The following SUZ12 variants were observed in gnomAD, a reference collection of about 807,000 sequenced individuals.
The protein encoded by SUZ12 is SUZ12 polycomb repressive complex 2 subunit.
SUZ12 carries 17 observed loss-of-function variants against 87.3 expected under a neutral mutation model. The observed-to-expected ratio is 0.19, with a 90% confidence interval of 0.13 to 0.29. The LOEUF (loss-of-function observed/expected upper bound fraction) is 0.29. SUZ12 is among the 10% of genes least tolerant of loss of function. The probability of loss-of-function intolerance (pLI) is 1.00; values close to 1 mark genes in which losing one functional copy is unlikely to be tolerated. For synonymous variants in SUZ12, 253 were observed against 312.4 expected (o/e 0.81, Z 2.01); for missense variants, 526 against 912.2 (o/e 0.58, Z 5.45).
At chr17:31,963,936 C>T (rs2470243) in intron 4 of SUZ12, 15,115 of 152,220 alleles carry the variant, frequency 0.099, 1,006 homozygotes, top group Middle Eastern at 0.15. Flanking sequence ...CCATAGGCAC[C>T]GGCCCTCTGC....
chr17:31,942,772 A>T (rs1242742150), intron 3 of SUZ12, among the ~76,000 whole-genome samples: 3 of 152,244 alleles, frequency 2.0e-5, no homozygotes, highest in Non-Finnish European at 4.4e-5. Context: ...TTGCTGTGTA[A>T]CATTTAGTAC....
chr17:31,952,458 G>T (rs1489451909), intron 4 of SUZ12, among the ~76,000 whole-genome samples: 3 of 152,134 alleles, frequency 2.0e-5, no homozygotes, highest in African/African-American at 7.2e-5. Flanking sequence ...TTTTGACCAG[G>T]CACTATGGCT....
At position 31,999,121 on chromosome 17, in the gene SUZ12, T is replaced by G; in HGVS notation, c.*118T>G. On this transcript the variant is annotated 3_prime_UTR_variant, in exon 16 of 16. Transcript: ENST00000322652. Reference sequence around the variant, plus strand: ...TCCAAACAGGCACTGTTAGATGAAGTAAATGATTTCAACAAGGATATTTGT... The same window carrying G: ...TCCAAACAGGCACTGTTAGATGAAGGAAATGATTTCAACAAGGATATTTGT... 1 of 811,982 alleles carries G rather than the reference T, an allele frequency of 1.2e-6. No homozygotes were observed. The highest frequency in any genetic ancestry group is 1.8e-6 in the Non-Finnish European group (1 of 549,872). The allele number at this position is 811,982 out of a possible 1,614,324, so 50.3% of individuals were successfully genotyped here.
At chr17:31,969,009 C>T (rs1158427551) in intron 5 of SUZ12, among the ~76,000 whole-genome samples, 2 of 152,094 alleles carry the variant, frequency 1.3e-5, no homozygotes, top group African/African-American at 4.8e-5. Flanking sequence ...GAAAATAATT[C>T]CTCTGTCACC....
At chr17:31,989,582 TG>T (rs1311656317) in intron 10 of SUZ12, among the ~76,000 whole-genome samples, 11 of 137,106 alleles carry the variant, frequency 8.0e-5, no homozygotes, top group African/African-American at 2.6e-4. Flanking sequence ...GGAACTAAGT[TG>T]TTTTTTTTTG....
Position 31,937,538 on chromosome 17 carries a change from T to C in SUZ12, c.274+18T>C. 1 of 1,533,936 alleles carries C rather than the reference T, an allele frequency of 6.5e-7. No individual in the cohort carries two copies. Among genetic ancestry groups the C allele is most frequent in the African/African-American group, 1.4e-5 (1 of 72,532 alleles). On this transcript the variant is annotated intron_variant, in intron 1 of 15. Coordinates refer to ENST00000322652, the MANE Select transcript of SUZ12 (RefSeq NM_015355.4). ...CTTTGAGAGTGAGTGTGTGCGAGGCTTTGAGGGCAGGAAGACCCACTCTGC... is the reference window on the plus strand; with the variant it reads ...CTTTGAGAGTGAGTGTGTGCGAGGCCTTGAGGGCAGGAAGACCCACTCTGC...
chr17:31,997,709 G>A (rs377416336), intron 15 of SUZ12, among the ~76,000 whole-genome samples: 20 of 146,222 alleles, frequency 1.4e-4, no homozygotes, highest in African/African-American at 4.6e-4. Flanking sequence ...TGGGACCCAC[G>A]ACCAGGGAGC....
At chr17:31,952,257 G>C (rs1353935743) in intron 4 of SUZ12, among the ~76,000 whole-genome samples, 1 of 151,626 alleles carries the variant, frequency 6.6e-6, no homozygotes, top group Non-Finnish European at 1.5e-5. Context: ...GCAGGATCTT[G>C]CTATGTTGCC....
chr17:31,955,095 A>G (rs1226968081), intron 4 of SUZ12, among the ~76,000 whole-genome samples: 3 of 151,920 alleles, frequency 2.0e-5, no homozygotes, highest in Admixed American at 6.6e-5. Flanking sequence ...CTGTTGTCTT[A>G]CTTTATTTTT....
At chr17:31,964,377 G>C (rs1459544257) in intron 4 of SUZ12, among the ~76,000 whole-genome samples, 2 of 149,136 alleles carry the variant, frequency 1.3e-5, no homozygotes, top group Admixed American at 1.3e-4. Context: ...CTGTACTACT[G>C]TTCTAGAAAT....
intron 4 of SUZ12, among the ~76,000 whole-genome samples, chr17:31,963,556 G>A (rs1394662787): frequency 6.6e-6 from 1 of 151,888 alleles, no homozygotes. Flanking sequence ...GGAGTGCAGT[G>A]GTGCGATCTT....
chr17:31,981,124 C>A (rs1026891484), intron 8 of SUZ12, among the ~76,000 whole-genome samples: 1 of 151,726 alleles, frequency 6.6e-6, no homozygotes, highest in Non-Finnish European at 1.5e-5. Flanking sequence ...AAATAAAAAT[C>A]AAAAACTTCT....
At chr17:31,987,277 T>G (rs1242258250) in intron 9 of SUZ12, among the ~76,000 whole-genome samples, 1 of 152,216 alleles carries the variant, frequency 6.6e-6, no homozygotes, top group Non-Finnish European at 1.5e-5. Context: ...CTAAACATGT[T>G]TTAGTTCAAG....
rs564650868 is a variant in SUZ12, at chr17:31,947,833, A to G, written c.455+148A>G. The stretch of plus-strand genomic sequence containing the variant: ...GGTCCAAACTCACACACAAGTCAGA[A>G]ATTAATTTCTGTAGCATTCCTGGCA... On this transcript the variant is annotated intron_variant, in intron 4 of 15. Transcript: ENST00000322652. The G allele has an allele frequency of 4.0e-5, 30 of 756,090 alleles. No individual in the cohort carries two copies. In the South Asian group the frequency reaches 5.6e-4, roughly 14 times the overall value. The allele number at this position is 756,090 out of a possible 1,614,324, so 46.8% of individuals were successfully genotyped here.
At chr17:31,937,761 C>T (rs1042669950) in intron 1 of SUZ12, among the ~76,000 whole-genome samples, 7 of 132,890 alleles carry the variant, frequency 5.3e-5, no homozygotes, top group African/African-American at 2.9e-5. Flanking sequence ...ACGCAAGAGG[C>T]TCGGGACTGG....
intron 4 of SUZ12, among the ~76,000 whole-genome samples, chr17:31,960,250 G>C (rs1273396709): frequency 6.6e-6 from 1 of 151,842 alleles, no homozygotes. Context: ...TCGCTCTGTT[G>C]CCCAGGTTGG....
At chr17:31,946,704 A>G (rs1906658970) in intron 3 of SUZ12, among the ~76,000 whole-genome samples, 1 of 152,100 alleles carries the variant, frequency 6.6e-6, no homozygotes, top group South Asian at 2.1e-4. Context: ...AAAGAGAAAC[A>G]TTTTTTCTAA....
Position 31,937,417 on chromosome 17 carries a change from C to G in SUZ12, c.171C>G (p.Ser57=). 1 of 1,543,166 alleles carries G rather than the reference C, an allele frequency of 6.5e-7. No homozygotes were observed. The highest frequency in any genetic ancestry group is 1.4e-5 in the African/African-American group (1 of 72,390). Residue 57 remains serine, a synonymous_variant, in exon 1 of 16, where the codon TCC becomes TCG. Coordinates refer to ENST00000322652, the MANE Select transcript of SUZ12 (RefSeq NM_015355.4). ...GTGGCAGTTACTCGGCCTCCTCCTCCTCCTCCGCGGCGGCAGCGGCGGGGG... is the reference window on the plus strand; with the variant it reads ...GTGGCAGTTACTCGGCCTCCTCCTCGTCCTCCGCGGCGGCAGCGGCGGGGG... The part of the protein sequence containing the change: ...GGGGSYSASS[S]SSAAAAAGAA...
At chr17:31,979,342 T>C (rs1175806093) in intron 8 of SUZ12, among the ~76,000 whole-genome samples, 4 of 152,160 alleles carry the variant, frequency 2.6e-5, no homozygotes, top group Non-Finnish European at 5.9e-5. Context: ...TTTTCTGATA[T>C]AACCACCGTA....
Sources: gnomAD v4.1 joint callset for allele counts (sites outside exome capture counted in the v4.1 genomes callset) on GRCh38, gnomAD v4.1.1 for gene constraint, MANE v1.5 for transcripts, NCBI Gene and HGNC (gene_info 2026-07-23, HGNC 2026-07-21) for gene names.